The following TTC28 variants were observed in gnomAD, a reference collection of about 807,000 sequenced individuals.
The protein encoded by TTC28 is tetratricopeptide repeat protein 28.
A neutral mutation model predicts 198.0 loss-of-function variants in TTC28; 61 were observed. The observed-to-expected ratio is 0.31, with a 90% CI of 0.25 to 0.38. TTC28 has a LOEUF of 0.38. Among genes scored for constraint, TTC28 ranks in the 10% least tolerant of loss-of-function variants. The pLI is 1.00. For synonymous variants in TTC28, 1,171 were observed against 1,297.8 expected, an observed-to-expected ratio of 0.90 and a Z score of 2.10; for missense variants, 2,678 against 3,164.0, an observed-to-expected ratio of 0.85 and a Z score of 3.69.
chr22:28,048,734 CT>C (rs1452596581), intron 12 of TTC28, among the ~76,000 whole-genome samples: 1 of 152,058 alleles, frequency 6.6e-6, no homozygotes, highest in African/African-American at 2.4e-5. Context: ...CCATCACTGC[CT>C]GAGACAAGCC....
intron 2 of TTC28, among the ~76,000 whole-genome samples, chr22:28,595,741 T>C (rs923851612): frequency 6.6e-6 from 1 of 152,172 alleles, no homozygotes; most frequent in Non-Finnish European, 1.5e-5. Context: ...CTGGCCAACA[T>C]GGTGAAACCC....
intron 5 of TTC28, among the ~76,000 whole-genome samples, chr22:28,233,089 T>A (rs1201885110): frequency 2.0e-5 from 3 of 151,590 alleles, no homozygotes; most frequent in Non-Finnish European, 4.4e-5. Context: ...GCAACAAGAG[T>A]GAAACTCTGT....
At chr22:28,056,844 G>C (rs1244733697) in intron 12 of TTC28, among the ~76,000 whole-genome samples, 1 of 152,124 alleles carries the variant, frequency 6.6e-6, no homozygotes. Flanking sequence ...TCTTCCACCA[G>C]AGATTAATTA....
At chr22:28,312,210 T>C (rs2045272917) in intron 2 of TTC28, among the ~76,000 whole-genome samples, 1 of 152,122 alleles carries the variant, frequency 6.6e-6, no homozygotes, top group Non-Finnish European at 1.5e-5. Context: ...CCCAGATTCA[T>C]AAAGCAAGTT....
intron 2 of TTC28, among the ~76,000 whole-genome samples, chr22:28,371,427 T>G (rs1188530265): frequency 7.7e-6 from 1 of 129,574 alleles, no homozygotes; most frequent in African/African-American, 2.9e-5. Flanking sequence ...GGAGGATCAC[T>G]TGAGCCAGGG....
At chr22:28,260,615 A>G (rs1352164124) in intron 5 of TTC28, among the ~76,000 whole-genome samples, 1 of 152,210 alleles carries the variant, frequency 6.6e-6, no homozygotes, top group African/African-American at 2.4e-5. Flanking sequence ...CCCCTAGCCA[A>G]ATGCGCAAAC....
At chr22:28,448,203 T>C (rs186993340) in intron 2 of TTC28, among the ~76,000 whole-genome samples, 1 of 152,308 alleles carries the variant, frequency 6.6e-6, no homozygotes, top group East Asian at 1.9e-4. Context: ...AACATAGCAC[T>C]TTGCAGATCA....
Position 28,094,127 on chromosome 22 carries a change from G to A in TTC28, c.3885C>T (p.His1295=). Residue 1295 remains histidine (H), a synonymous_variant, in exon 12 of 23, where the codon CAC becomes CAT. Transcript: ENST00000397906. Reference sequence around the variant, plus strand: ...CCAGGGCCTCCCGGACACTGGCAATGTGCTGCTCCAGGGCTGAGCCGGTTG... The same window carrying A: ...CCAGGGCCTCCCGGACACTGGCAATATGCTGCTCCAGGGCTGAGCCGGTTG... ...PTATGSALEQ[H]IASVREALGV... The A allele has an allele frequency of 4.5e-6, 7 of 1,551,532 alleles. No homozygotes were observed. Among genetic ancestry groups the A allele is most frequent in the Non-Finnish European group, 6.1e-6 (7 of 1,146,908 alleles).
chr22:28,061,751 G>A (rs1940551752), intron 12 of TTC28, among the ~76,000 whole-genome samples: 1 of 152,170 alleles, frequency 6.6e-6, no homozygotes, highest in African/African-American at 2.4e-5. Flanking sequence ...CCAATTCTGT[G>A]AAGAAAGTCA....
intron 12 of TTC28, among the ~76,000 whole-genome samples, chr22:28,052,339 C>T (rs1940120294): frequency 1.3e-5 from 2 of 152,126 alleles, no homozygotes; most frequent in Admixed American, 6.5e-5. Flanking sequence ...CTCACAATGA[C>T]CCATCAAGGT....
intron 17 of TTC28, 39 bp downstream of exon 17, chr22:27,996,096 G>T: frequency 1.3e-6 from 2 of 1,531,326 alleles, no homozygotes; most frequent in Non-Finnish European, 1.8e-6. Flanking sequence ...TCACAGCACT[G>T]CCAGCTCTCG....
At chr22:28,201,347 C>T (rs1394361910) in intron 5 of TTC28, among the ~76,000 whole-genome samples, 1 of 152,084 alleles carries the variant, frequency 6.6e-6, no homozygotes, top group Non-Finnish European at 1.5e-5. Flanking sequence ...AATTATAATA[C>T]AAGTTTGATG....
In TTC28 at chr22:27,983,712, G is replaced by A. The variant is rs773751768; in HGVS notation, c.5955C>T (p.Ile1985=). ...PPFSPTGADS[I]ASDAISVYSL... is the part of the protein sequence containing the mutation. ...TGTACACAGAGATGGCATCTGAGGC[G>A]ATGCTGTCCGCACCGGTGGGAGAGA... is the stretch of plus-strand genomic sequence containing the variant. Residue 1985 remains isoleucine, a synonymous_variant, in exon 23 of 23, where the codon ATC becomes ATT. Transcript: ENST00000397906. The A allele has an allele frequency of 5.2e-5, 80 of 1,551,232 alleles. No homozygotes were observed. The East Asian group carries it at 9.5e-4, about 18-fold the overall frequency.
At chr22:28,321,665 G>A (rs2045448195) in intron 2 of TTC28, among the ~76,000 whole-genome samples, 1 of 152,206 alleles carries the variant, frequency 6.6e-6, no homozygotes, top group East Asian at 1.9e-4. Context: ...ACCCAGCACA[G>A]TGTCTAGTAC....
chr22:28,279,656 C>T (rs1281905141), intron 5 of TTC28, among the ~76,000 whole-genome samples: 4 of 152,206 alleles, frequency 2.6e-5, no homozygotes, highest in Non-Finnish European at 5.9e-5. Flanking sequence ...AGGTGTGAGA[C>T]ACCACAACAG....
intron 12 of TTC28, among the ~76,000 whole-genome samples, chr22:28,047,211 C>T (rs1189512380): frequency 6.6e-6 from 1 of 152,196 alleles, no homozygotes; most frequent in Admixed American, 6.5e-5. Context: ...GAAATGTGCA[C>T]CCTGAAGTCA....
At chr22:28,272,101 G>C (rs997766382) in intron 5 of TTC28, among the ~76,000 whole-genome samples, 1 of 152,136 alleles carries the variant, frequency 6.6e-6, no homozygotes, top group Admixed American at 6.5e-5. Context: ...TGTGAAAATG[G>C]ACTGATACAT....
chr22:28,508,796 C>T lies in TTC28; in HGVS notation c.381+120756G>A, dbSNP rs529151465. Among the ~76,000 whole-genome samples, 6 of 152,256 alleles carry T rather than the reference C, an allele frequency of 3.9e-5. No individual in the cohort carries two copies. The East Asian group carries it at 1.2e-3, about 29-fold the overall frequency. ...ACATAAAAATAGTGGGAGACTTTAA[C>T]ACCCCACTGACAATATTAGATCATC... On this transcript the variant is annotated intron_variant, in intron 2 of 22. Coordinates refer to ENST00000397906, the MANE Select transcript of TTC28 (RefSeq NM_001145418.2).
chr22:27,984,774 C>T (rs1937153885), intron 22 of TTC28, among the ~76,000 whole-genome samples: 1 of 152,264 alleles, frequency 6.6e-6, no homozygotes, highest in African/African-American at 2.4e-5. Context: ...TCATGACCTT[C>T]AGCAGACTCC....
Sources: allele counts gnomAD v4.1 joint callset (sites outside exome capture counted in the v4.1 genomes callset), GRCh38; gene constraint gnomAD v4.1.1; transcripts MANE v1.5; gene names NCBI Gene and HGNC (gene_info 2026-07-23, HGNC 2026-07-21).